ANKRD52: variants seen among roughly 807,000 people sequenced by gnomAD.
ANKRD52 encodes the protein serine/threonine-protein phosphatase 6 regulatory ankyrin repeat subunit C.
A neutral mutation model predicts 116.0 loss-of-function variants in ANKRD52; 7 were observed. The ratio of observed to expected loss-of-function variants is 0.06; its 90% CI spans 0.03 to 0.11. The LOEUF (loss-of-function observed/expected upper bound fraction) is 0.11, where lower values mean the gene tolerates loss of function less well. Among genes scored for constraint, ANKRD52 ranks in the 10% least tolerant of loss-of-function variants. The pLI is 1.00. For missense variants in ANKRD52, 839 were observed against 1,408.6 expected, an observed-to-expected ratio of 0.60 and a Z score of 6.47; for synonymous variants, 528 against 578.1, an observed-to-expected ratio of 0.91 and a Z score of 1.24.
rs1207625343 is a variant in ANKRD52 at position 56,254,557 on chromosome 12, C to G, written c.693+21G>C. The G allele has an allele frequency of 6.2e-7, 1 of 1,611,392 alleles. No individual in the cohort carries two copies. Among genetic ancestry groups the G allele is most frequent in the Non-Finnish European group, 8.5e-7 (1 of 1,178,912 alleles). On this transcript the variant is annotated intron_variant, in intron 7 of 27. Transcript: ENST00000267116. This position sits in a 1 kb window ranked among gnomAD's most constrained non-coding sequence, Gnocchi z 4.6. ...CTACTTGCTGCCCATAGTTCCCAACCCCAGAGCTCAAAGCCCTGACCTCCG... is the reference window on the plus strand; with the variant it reads ...CTACTTGCTGCCCATAGTTCCCAACGCCAGAGCTCAAAGCCCTGACCTCCG...
chr12:56,258,368 T>TG lies in ANKRD52; in HGVS notation c.-100dup, dbSNP rs1872070837. 1 of 1,274,294 alleles carries TG rather than the reference T, an allele frequency of 7.8e-7. No homozygotes were observed. Among genetic ancestry groups the TG allele is most frequent in the East Asian group, 3.3e-5 (1 of 30,628 alleles). 78.9% of individuals were successfully genotyped at this position (1,274,294 alleles called of 1,614,324 possible). A position where few individuals can be genotyped will look rare whatever the true frequency, so the allele number is the denominator to read the frequency against. ...CCCAGGCGGCGGCTGCGGTGGCGGCTGCAGGGAGAGCGCGGCCCCGCCTAC... is the reference window on the plus strand; with the variant it reads ...CCCAGGCGGCGGCTGCGGTGGCGGCTGGCAGGGAGAGCGCGGCCCCGCCTAC... On this transcript the variant is annotated 5_prime_UTR_variant, in exon 1 of 28. Coordinates refer to ENST00000267116, the MANE Select transcript of ANKRD52 (RefSeq NM_173595.4).
Position 56,258,228 on chromosome 12 carries a change from G to A in ANKRD52, c.27+15C>T, listed in dbSNP as rs1872060021. The A allele has an allele frequency of 6.9e-6, 11 of 1,599,694 alleles. No individual in the cohort carries two copies. The highest frequency in any genetic ancestry group is 2.3e-5 in the East Asian group (1 of 44,330). On this transcript the variant is annotated intron_variant, in intron 1 of 27. Coordinates refer to ENST00000267116, the MANE Select transcript of ANKRD52 (RefSeq NM_173595.4). ...GCCCTGGAAGGAGGAAGCGGGAAAG[G>A]GCAGGAGGGCTGACCTGGTCCGTGA...
intron 4 of ANKRD52, 92 bp from the exon 5 acceptor site, chr12:56,256,076 G>A: frequency 1.6e-6 from 2 of 1,260,840 alleles, no homozygotes; most frequent in East Asian, 5.1e-5. Flanking sequence ...AGCATCTACA[G>A]CCCCTTCCCC....
In ANKRD52 at chr12:56,248,409, G is replaced by T; in HGVS notation, c.1776+86C>A. The T allele has an allele frequency of 6.8e-7, 1 of 1,478,496 alleles. No individual in the cohort carries two copies. The highest frequency in any genetic ancestry group is 1.2e-5 in the South Asian group (1 of 83,500). 91.6% of individuals were successfully genotyped at this position (1,478,496 alleles called of 1,614,324 possible). A position where few individuals can be genotyped will look rare whatever the true frequency, so the allele number is the denominator to read the frequency against. On this transcript the variant is annotated intron_variant, in intron 17 of 27. Coordinates refer to ENST00000267116, the MANE Select transcript of ANKRD52 (RefSeq NM_173595.4). The surrounding 1 kb of genome is among the most constrained non-coding windows in gnomAD (Gnocchi z 5.1). The stretch of plus-strand genomic sequence containing the variant: ...TCTCCCACAAAAAGGCAGAAGGAAG[G>T]ATAACTTCACAAGTGCTGGCACCTT...
At chr12:56,258,158 C>G in intron 1 of ANKRD52, 85 bp downstream of exon 1, 1 of 1,550,512 alleles carries the variant, frequency 6.4e-7, no homozygotes, top group Non-Finnish European at 8.7e-7. Flanking sequence ...GGCTCAGGCC[C>G]AGCCTAGGCC....
Position 56,254,326 on chromosome 12 carries a change from T to C in ANKRD52, c.694-47A>G, listed in dbSNP as rs1871842715. The stretch of plus-strand genomic sequence containing the variant: ...TAAGGTGGTATCAGTTTAAACAAAG[T>C]AGAAGCCAGCACATGTAGCCTCCAG... On this transcript the variant is annotated intron_variant, in intron 7 of 27. Transcript: ENST00000267116. This position sits in a 1 kb window ranked among gnomAD's most constrained non-coding sequence, Gnocchi z 4.6. 4 of 1,581,840 alleles carry C rather than the reference T, an allele frequency of 2.5e-6. No homozygotes were observed. In the African/African-American group the frequency reaches 5.4e-5, roughly 21 times the overall value.
At chr12:56,250,337 A>G (rs1871628047) in intron 15 of ANKRD52, among the ~76,000 whole-genome samples, 1 of 150,592 alleles carries the variant, frequency 6.6e-6, no homozygotes, top group Non-Finnish European at 1.5e-5. Context: ...AATTACAGGC[A>G]TGAGTCACTG....
In ANKRD52 at chr12:56,242,822, A is replaced by G; in HGVS notation, c.*320T>C. 1 of 327,502 alleles carries G rather than the reference A, an allele frequency of 3.1e-6. No individual in the cohort carries two copies. 20.3% of individuals were successfully genotyped at this position (327,502 alleles called of 1,614,324 possible). On this transcript the variant is annotated 3_prime_UTR_variant, in exon 28 of 28. Transcript: ENST00000267116. This position sits in a 1 kb window ranked among gnomAD's most constrained non-coding sequence, Gnocchi z 4.3. ...GGAGTCCCCAGGGAAGAGTCGGGGG[A>G]GCTGGCAGCAGAAAGAGGGAACCAA...
At chr12:56,247,018 A>G (rs1376217924) in intron 20 of ANKRD52, among the ~76,000 whole-genome samples, 2 of 149,882 alleles carry the variant, frequency 1.3e-5, no homozygotes, top group African/African-American at 4.9e-5. Flanking sequence ...GACGTCAGGA[A>G]CTCATCCTGG....
intron 20 of ANKRD52, among the ~76,000 whole-genome samples, chr12:56,246,099 G>A (rs1381315789): frequency 6.6e-6 from 1 of 151,370 alleles, no homozygotes; most frequent in Non-Finnish European, 1.5e-5. Context: ...GTGCGATCTT[G>A]GCTCACTGCA....
intron 4 of ANKRD52, 141 bp from the exon 5 acceptor site, chr12:56,256,125 C>A: frequency 1.3e-6 from 1 of 781,212 alleles, no homozygotes; most frequent in Non-Finnish European, 2.1e-6. Context: ...CATACCTAGC[C>A]TCTGAATACC....
chr12:56,257,720 C>T, intron 2 of ANKRD52, 108 bp downstream of exon 2: 3 of 1,057,026 alleles, frequency 2.8e-6, no homozygotes, highest in Non-Finnish European at 2.8e-6. Flanking sequence ...GAAAGAACTG[C>T]GGCCTCATCT....
At chr12:56,256,867 G>A in intron 4 of ANKRD52, 148 bp downstream of exon 4, 1 of 806,986 alleles carries the variant, frequency 1.2e-6, no homozygotes, top group South Asian at 2.0e-5. Context: ...CAGTTCTAGG[G>A]GTAGGAGGAA....
chr12:56,245,566 C>T lies in ANKRD52; in HGVS notation c.2215G>A (p.Ala739Thr). The change falls in exon 21 of 28, where the codon GCC (alanine) becomes ACC (threonine). Residue 739 changes from alanine to threonine, a missense_variant. This residue lies in a region of ANKRD52 where 552 missense variants were observed against 810.6 expected (regional missense o/e 0.68). Coordinates refer to ENST00000267116, the MANE Select transcript of ANKRD52 (RefSeq NM_173595.4). ...AVTGCEDCLA[A>T]LLDHDAFVLC... ...ACAAATGCGTCGTGGTCCAGCAGGG[C>T]AGCCAGGCAGTCCTCACAGCCAGTC... 6.2e-7 allele frequency: 1 copy of T among 1,606,828 alleles called. No individual in the cohort carries two copies. The highest frequency in any genetic ancestry group is 8.5e-7 in the Non-Finnish European group (1 of 1,177,834).
In ANKRD52 at chr12:56,252,263, A is replaced by G; in HGVS notation, c.1423T>C (p.Leu475=). 6.2e-7 allele frequency: 1 copy of G among 1,613,980 alleles called. No homozygotes were observed. The highest frequency in any genetic ancestry group is 2.2e-5 in the East Asian group (1 of 44,888). Reference sequence around the variant, plus strand: ...TTGACACCTGCCCCAGCAGTCACCAATGTTACTGCACACTGGTAGCTACCG... The same window carrying G: ...TTGACACCTGCCCCAGCAGTCACCAGTGTTACTGCACACTGGTAGCTACCG... ...ANGSYQCAVT[L]VTAGAGVNEA... Residue 475 remains leucine, a synonymous_variant, in exon 14 of 28, where the codon TTG becomes CTG. Coordinates refer to ENST00000267116, the MANE Select transcript of ANKRD52 (RefSeq NM_173595.4). The surrounding 1 kb of genome is among the most constrained non-coding windows in gnomAD (Gnocchi z 4.7).
Position 56,248,720 on chromosome 12 carries a change from C to T in ANKRD52, c.1704+39G>A, listed in dbSNP as rs752350682. 13 of 1,558,198 alleles carry T rather than the reference C, an allele frequency of 8.3e-6. No individual in the cohort carries two copies. In the East Asian group the frequency reaches 3.0e-4, roughly 36 times the overall value. The stretch of plus-strand genomic sequence containing the variant: ...GGAATCCACAAACCCTGTGCCCTGC[C>T]CCTGCCTCCCCTCCTGCAGGCCGGG... On this transcript the variant is annotated intron_variant, in intron 16 of 27. Coordinates refer to ENST00000267116, the MANE Select transcript of ANKRD52 (RefSeq NM_173595.4). The surrounding 1 kb of genome is among the most constrained non-coding windows in gnomAD (Gnocchi z 5.1).
intron 20 of ANKRD52, among the ~76,000 whole-genome samples, chr12:56,246,970 T>C (rs1193303649): frequency 8.7e-6 from 1 of 115,326 alleles, no homozygotes; most frequent in Non-Finnish European, 1.9e-5. Context: ...ATAATAATAA[T>C]AATAAACAAA....
intron 15 of ANKRD52, among the ~76,000 whole-genome samples, chr12:56,249,292 A>C (rs1330982298): frequency 6.6e-6 from 1 of 152,126 alleles, no homozygotes; most frequent in Non-Finnish European, 1.5e-5. Flanking sequence ...GGCCTTTCCC[A>C]GCCTTCCCTG....
Position 56,252,355 on chromosome 12 carries a change from G to C in ANKRD52, c.1371-40C>G. ...AAGGAGGGTGGGGAAGAGAATCAGA[G>C]ACAGATACGAATGCAATCAGATGTG... On this transcript the variant is annotated intron_variant, in intron 13 of 27. Coordinates refer to ENST00000267116, the MANE Select transcript of ANKRD52 (RefSeq NM_173595.4). The surrounding 1 kb of genome is among the most constrained non-coding windows in gnomAD (Gnocchi z 4.7). The C allele has an allele frequency of 6.2e-7, 1 of 1,610,982 alleles. No individual in the cohort carries two copies. Among genetic ancestry groups the C allele is most frequent in the Admixed American group, 1.7e-5 (1 of 59,984 alleles).
Sources: gnomAD v4.1 joint callset for allele counts (sites outside exome capture counted in the v4.1 genomes callset) on GRCh38, gnomAD v4.1.1 for gene constraint, gnomAD v4.1.1 regional missense constraint, Gnocchi (gnomAD v3.1) non-coding constraint, MANE v1.5 for transcripts, NCBI Gene and HGNC (gene_info 2026-07-23, HGNC 2026-07-21) for gene names.